The following MYO7B variants were observed in gnomAD, a reference collection of about 807,000 sequenced individuals.
MYO7B encodes the protein myosin VIIB.
In MYO7B, 212 loss-of-function variants were observed where a neutral mutation model predicts 259.7. That is an observed-to-expected ratio of 0.82 (90% confidence interval 0.73 to 0.91). MYO7B has a LOEUF of 0.91. Among genes scored for constraint, MYO7B ranks in the 40% least tolerant of loss-of-function variants. The pLI is 0.00. For missense variants in MYO7B, 2,732 were observed against 2,813.5 expected (o/e 0.97, Z 0.66); for synonymous variants, 1,197 against 1,166.4 (o/e 1.03, Z -0.54).
chr2:127,590,067 T>C lies in MYO7B; in HGVS notation c.1855-25T>C, dbSNP rs1020184650. The C allele has an allele frequency of 1.9e-6, 3 of 1,558,142 alleles. No homozygotes were observed. Among genetic ancestry groups the C allele is most frequent in the Admixed American group, 1.9e-5 (1 of 51,794 alleles). On this transcript the variant is annotated intron_variant, in intron 15 of 47. Coordinates refer to ENST00000409816, the MANE Select transcript of MYO7B (RefSeq NM_001393586.1). This position sits in a 1 kb window ranked among gnomAD's most constrained non-coding sequence, Gnocchi z 4.6. ...CCAGGACATGGCTCCTGAGACCCAC[T>C]TGTGCTCTGTGCTTCCATTCACAGT...
At chr2:127,537,687 G>A (rs1692839210) in intron 1 of MYO7B, among the ~76,000 whole-genome samples, 1 of 151,878 alleles carries the variant, frequency 6.6e-6, no homozygotes, top group South Asian at 2.1e-4. Context: ...GGAGGAGGAA[G>A]AAGAAGAGGA....
At chr2:127,572,687 C>T (rs1236102455) in intron 6 of MYO7B, among the ~76,000 whole-genome samples, 2 of 151,886 alleles carry the variant, frequency 1.3e-5, no homozygotes, top group African/African-American at 2.4e-5. Flanking sequence ...TGTTGACTTA[C>T]CTTTGCACCC....
At chr2:127,604,309 C>A (rs1253201390) in intron 19 of MYO7B, among the ~76,000 whole-genome samples, 1 of 152,204 alleles carries the variant, frequency 6.6e-6, no homozygotes, top group East Asian at 1.9e-4. Flanking sequence ...TTGCTAGCTT[C>A]ATACTTTTCT....
At chr2:127,604,726 G>T (rs544364705) in intron 19 of MYO7B, among the ~76,000 whole-genome samples, 1 of 152,100 alleles carries the variant, frequency 6.6e-6, no homozygotes, top group South Asian at 2.1e-4. Flanking sequence ...TTTTAGTATC[G>T]CTGTGTCTCA....
In MYO7B at chr2:127,631,212, A is replaced by C. The variant is rs1199777096; in HGVS notation, c.4944A>C (p.Pro1648=). ...EEFSYEFFRA[P]EKDMVSMAVL... ...CCAGCCTCTAACCTCACAGGGCTCC[A>C]GAGAAGGACATGGTGAGCATGGCCG... The change falls in exon 37 of 48, where the codon CCA becomes CCC. Residue 1648 remains proline (P), a synonymous_variant. Transcript: ENST00000409816. 5.0e-6 allele frequency: 8 copies of C among 1,598,930 alleles called. No homozygotes were observed. The highest frequency in any genetic ancestry group is 6.0e-6 in the Non-Finnish European group (7 of 1,169,494).
At chr2:127,631,896 T>C (rs1483179915) in intron 38 of MYO7B, 143 bp downstream of exon 38, 2 of 1,170,186 alleles carry the variant, frequency 1.7e-6, no homozygotes, top group Non-Finnish European at 1.2e-6. Flanking sequence ...GTGGGAAGGG[T>C]TGGGCCCTTG....
chr2:127,594,585 C>T (rs201180353), intron 18 of MYO7B, among the ~76,000 whole-genome samples: 1 of 152,196 alleles, frequency 6.6e-6, no homozygotes, highest in African/African-American at 2.4e-5. Context: ...AGCAGAGGGA[C>T]CATCTCAGTG....
intron 1 of MYO7B, among the ~76,000 whole-genome samples, chr2:127,558,703 A>G (rs1573618372): frequency 6.6e-6 from 1 of 152,182 alleles, no homozygotes; most frequent in Non-Finnish European, 1.5e-5. Context: ...ATGGAATACT[A>G]CTCAGCCATA....
In MYO7B at chr2:127,624,162, G is replaced by C. The variant is rs531763523; in HGVS notation, c.3889G>C (p.Glu1297Gln). 6.3e-7 allele frequency: 1 copy of C among 1,596,366 alleles called. No individual in the cohort carries two copies. The highest frequency in any genetic ancestry group is 2.3e-5 in the East Asian group (1 of 43,930). The change falls in exon 30 of 48, where the codon GAG becomes CAG. Residue 1297 changes from glutamate to glutamine, a missense_variant. Glu to Gln is a conservative substitution (Grantham distance 29). Around this residue, in one of 3 missense-constraint regions of MYO7B, gnomAD observed 1,906 missense variants for 2,026.4 expected, o/e 0.94. Transcript: ENST00000409816. ...AIARCEQMAQERGESQRQSPW... is the reference protein window; with the variant it reads ...AIARCEQMAQQRGESQRQSPW... ...CGCCCGGTGTGAGCAGATGGCCCAGGAGAGGGGCGAGAGCCAGCGCCAGTC... is the reference window on the plus strand; with the variant it reads ...CGCCCGGTGTGAGCAGATGGCCCAGCAGAGGGGCGAGAGCCAGCGCCAGTC...
Position 127,628,192 on chromosome 2 carries a change from T to G in MYO7B, c.4461-180T>G. 1 of 769,042 alleles carries G rather than the reference T, an allele frequency of 1.3e-6. No homozygotes were observed. The highest frequency in any genetic ancestry group is 2.7e-5 in the East Asian group (1 of 36,928). The allele number at this position is 769,042 out of a possible 1,614,324, so 47.6% of individuals were successfully genotyped here. On this transcript the variant is annotated intron_variant, in intron 33 of 47. Transcript: ENST00000409816. This position sits in a 1 kb window ranked among gnomAD's most constrained non-coding sequence, Gnocchi z 4.8. ...TCTCAGCCTCCGAGAGGTCCTGTGCTCCGCCGTCCTTCATTTGTCCAGACC... is the reference window on the plus strand; with the variant it reads ...TCTCAGCCTCCGAGAGGTCCTGTGCGCCGCCGTCCTTCATTTGTCCAGACC...
At chr2:127,631,835 G>A (rs1217136738) in intron 38 of MYO7B, 82 bp downstream of exon 38, 4 of 1,530,782 alleles carry the variant, frequency 2.6e-6, no homozygotes, top group Non-Finnish European at 3.5e-6. Flanking sequence ...GCTCAGAGAG[G>A]ACACCGCAGC....
chr2:127,584,574 C>T lies in MYO7B; in HGVS notation c.1555-204C>T, dbSNP rs776823895. On this transcript the variant is annotated intron_variant, in intron 13 of 47. Coordinates refer to ENST00000409816, the MANE Select transcript of MYO7B (RefSeq NM_001393586.1). This position sits in a 1 kb window ranked among gnomAD's most constrained non-coding sequence, Gnocchi z 5.8. The stretch of plus-strand genomic sequence containing the variant: ...GAGCAGAAGAGCTGGTGGTGGAGGG[C>T]GGCAGACCCGGCCTCTGCTCCCAGC... Among the ~76,000 whole-genome samples, 7 of 152,232 alleles carry T rather than the reference C, an allele frequency of 4.6e-5. No homozygotes were observed. Among genetic ancestry groups the T allele is most frequent in the South Asian group, 4.1e-4 (2 of 4,820 alleles).
At chr2:127,581,094 T>A (rs1679080486) in intron 10 of MYO7B, among the ~76,000 whole-genome samples, 1 of 152,176 alleles carries the variant, frequency 6.6e-6, no homozygotes, top group African/African-American at 2.4e-5. Context: ...AGTGGCCCTG[T>A]TTCAGTATCC....
At position 127,615,132 on chromosome 2, in the gene MYO7B, A is replaced by T. The variant is rs1326144929; in HGVS notation, c.3398+2529A>T. 6.6e-6 allele frequency among the ~76,000 whole-genome samples: 1 copy of T among 152,050 alleles called. No homozygotes were observed. Among genetic ancestry groups the T allele is most frequent in the Non-Finnish European group, 1.5e-5 (1 of 68,004 alleles). On this transcript the variant is annotated intron_variant, in intron 26 of 47. Coordinates refer to ENST00000409816, the MANE Select transcript of MYO7B (RefSeq NM_001393586.1). This position sits in a 1 kb window ranked among gnomAD's most constrained non-coding sequence, Gnocchi z 4.4. Reference sequence around the variant, plus strand: ...TGCCAGTGAATTTCCTGGTCCTAAGATGGACCAGTGCTAAGATGGAGGTCT... The same window carrying T: ...TGCCAGTGAATTTCCTGGTCCTAAGTTGGACCAGTGCTAAGATGGAGGTCT...
At chr2:127,583,072 T>C (rs1250064046) in intron 12 of MYO7B, among the ~76,000 whole-genome samples, 1 of 152,208 alleles carries the variant, frequency 6.6e-6, no homozygotes, top group East Asian at 1.9e-4. Flanking sequence ...AGGAGTCCCA[T>C]GACGACTGGT....
At chr2:127,568,490 C>G (rs76301943) in intron 5 of MYO7B, among the ~76,000 whole-genome samples, 34 of 152,346 alleles carry the variant, frequency 2.2e-4, no homozygotes, top group Non-Finnish European at 4.4e-4. Flanking sequence ...ATAAAAACGC[C>G]TGGCGCTTGA....
At position 127,629,798 on chromosome 2, in the gene MYO7B, C is replaced by T. The variant is rs201869717; in HGVS notation, c.4778C>T (p.Thr1593Met). 2.6e-4 allele frequency: 408 copies of T among 1,584,958 alleles called. 3 individuals carry two copies. In the African/African-American group the frequency reaches 4.3e-3, roughly 17 times the overall value. The change falls in exon 35 of 48, where the codon ACG becomes ATG. Residue 1593 changes from threonine (T) to methionine (M), a missense_variant. This residue lies in a region of MYO7B where 821 missense variants were observed against 769.3 expected (regional missense o/e 1.07). Coordinates refer to ENST00000409816, the MANE Select transcript of MYO7B (RefSeq NM_001393586.1). ...VPMACLYTIP[T>M]VTKPSAQLLS... ...ATGGCCTGCCTCTACACCATCCCCA[C>T]GGTCACTAAGCCCTCGGCACAGCTG...
chr2:127,581,781 G>A, intron 10 of MYO7B, 110 bp from the exon 11 acceptor site: 1 of 1,478,766 alleles, frequency 6.8e-7, no homozygotes, highest in Non-Finnish European at 9.1e-7. Context: ...ACCCTCCGGT[G>A]GGCATAGGTG....
intron 35 of MYO7B, 128 bp downstream of exon 35, chr2:127,629,954 CG>C (rs1217874975): frequency 2.0e-6 from 2 of 998,522 alleles, no homozygotes. Flanking sequence ...GAGGGCCACC[CG>C]GGCAGCCCCC....
Sources: gnomAD v4.1 joint callset for allele counts (sites outside exome capture counted in the v4.1 genomes callset) on GRCh38, gnomAD v4.1.1 for gene constraint, gnomAD v4.1.1 regional missense constraint, Gnocchi (gnomAD v3.1) non-coding constraint, MANE v1.5 for transcripts, NCBI Gene and HGNC (gene_info 2026-07-23, HGNC 2026-07-21) for gene names.